MTOR: variants seen among roughly 807,000 people sequenced by gnomAD.
MTOR encodes the protein mechanistic target of rapamycin kinase.
MTOR carries 70 observed loss-of-function variants against 319.8 expected under a neutral mutation model. The ratio of observed to expected loss-of-function variants is 0.22; its 90% CI spans 0.18 to 0.27. The LOEUF (loss-of-function observed/expected upper bound fraction) is 0.27, where lower values mean the gene tolerates loss of function less well. Ranked by LOEUF, MTOR falls within the 10% of genes least tolerant of loss-of-function variation. The pLI, the probability that MTOR is intolerant of heterozygous loss-of-function variation, is 1.00. For missense variants in MTOR, 1,890 were observed against 3,274.4 expected (o/e 0.58, Z 10.32); for synonymous variants, 1,183 against 1,211.4 (o/e 0.98, Z 0.49).
At chr1:11,227,640 T>A (rs1646888521) in intron 19 of MTOR, among the ~76,000 whole-genome samples, 1 of 151,744 alleles carries the variant, frequency 6.6e-6, no homozygotes, top group African/African-American at 2.4e-5. Context: ...ATTCTGTGGT[T>A]TAAAGAAAGA....
intron 21 of MTOR, among the ~76,000 whole-genome samples, 174 bp downstream of exon 21, chr1:11,213,225 A>C (rs1310927849): frequency 1.3e-5 from 2 of 152,248 alleles, no homozygotes; most frequent in African/African-American, 2.4e-5. Flanking sequence ...TAATCAAGAG[A>C]GGATTACAGA....
intron 16 of MTOR, 74 bp downstream of exon 16, chr1:11,232,362 A>G: frequency 9.2e-7 from 1 of 1,090,614 alleles, no homozygotes; most frequent in Non-Finnish European, 1.4e-6. Flanking sequence ...GAGGACACTA[A>G]GGTGAATAAA....
chr1:11,258,444 G>GGTGA (rs778935128), intron 3 of MTOR, 41 bp downstream of exon 3: 12 of 1,382,644 alleles, frequency 8.7e-6, no homozygotes, highest in Non-Finnish European at 1.2e-5. Flanking sequence ...TGGGCACAAA[G>GGTGA]GTGAGTGTGT....
chr1:11,213,663 G>T, intron 20 of MTOR, 97 bp from the exon 21 acceptor site: 1 of 1,190,976 alleles, frequency 8.4e-7, no homozygotes, highest in East Asian at 2.4e-5. Flanking sequence ...AAACTGTAGT[G>T]AGCATGGTCT....
rs931038769 is a variant in MTOR at position 11,213,869 on chromosome 1, C to G, written c.3118-303G>C. ...GCTAAGCCCTGTCTGTCTTTCTAGA[C>G]CTGGCTCTAGCCTCACTTCTCCCAT... On this transcript the variant is annotated intron_variant, in intron 20 of 57. Coordinates refer to ENST00000361445, the MANE Select transcript of MTOR (RefSeq NM_004958.4). Among the ~76,000 whole-genome samples, 12 of 152,214 alleles carry G rather than the reference C, an allele frequency of 7.9e-5. No homozygotes were observed. In the South Asian group the frequency reaches 1.4e-3, roughly 18 times the overall value.
chr1:11,249,309 A>T (rs1403833538), intron 6 of MTOR, among the ~76,000 whole-genome samples: 2 of 151,960 alleles, frequency 1.3e-5, no homozygotes, highest in African/African-American at 4.8e-5. Flanking sequence ...AAACTTCTAA[A>T]CTTTTCTTGA....
chr1:11,189,185 T>G (rs1021513171), intron 28 of MTOR, among the ~76,000 whole-genome samples: 1 of 152,062 alleles, frequency 6.6e-6, no homozygotes, highest in African/African-American at 2.4e-5. Context: ...AAAGAAAGAC[T>G]CGCCCCATCT....
intron 5 of MTOR, among the ~76,000 whole-genome samples, chr1:11,255,611 G>C (rs985607573): frequency 6.6e-6 from 1 of 152,088 alleles, no homozygotes; most frequent in African/African-American, 2.4e-5. Flanking sequence ...AGCACTTTGA[G>C]AGGCCAAGGC....
intron 46 of MTOR, 88 bp downstream of exon 46, chr1:11,126,534 A>G: frequency 7.0e-7 from 1 of 1,425,826 alleles, no homozygotes; most frequent in Non-Finnish European, 9.6e-7. Flanking sequence ...AGTAGTGGGA[A>G]TGGCAAGCAG....
In MTOR at chr1:11,257,254, G is replaced by A. The variant is rs568936224; in HGVS notation, c.272-89C>T. On this transcript the variant is annotated intron_variant, in intron 3 of 57. Transcript: ENST00000361445. Reference sequence around the variant, plus strand: ...CTTCAACTAAAAGCTGGTGAGTGCCGGCCAGGCACGGTGGCTCAAGTCTGT... The same window carrying A: ...CTTCAACTAAAAGCTGGTGAGTGCCAGCCAGGCACGGTGGCTCAAGTCTGT... 1.6e-4 allele frequency: 183 copies of A among 1,143,900 alleles called. 2 individuals are homozygous for A. The African/African-American group carries it at 1.9e-3, about 12-fold the overall frequency. 70.9% of individuals were successfully genotyped at this position (1,143,900 alleles called of 1,614,324 possible).
chr1:11,159,384 G>A (rs960414850), intron 29 of MTOR, among the ~76,000 whole-genome samples: 1 of 152,174 alleles, frequency 6.6e-6, no homozygotes, highest in African/African-American at 2.4e-5. Flanking sequence ...ACTCACGCCT[G>A]TAATCCCAGC....
chr1:11,169,189 G>A (rs1644735702), intron 28 of MTOR, among the ~76,000 whole-genome samples: 1 of 152,150 alleles, frequency 6.6e-6, no homozygotes, highest in Non-Finnish European at 1.5e-5. Flanking sequence ...AAAGGAAATT[G>A]CCCAGAAATC....
chr1:11,224,756 C>A (rs1446475523), intron 19 of MTOR, among the ~76,000 whole-genome samples: 3 of 152,090 alleles, frequency 2.0e-5, no homozygotes, highest in African/African-American at 4.8e-5. Flanking sequence ...AAATTAAAAA[C>A]CCTTTAAGTT....
rs767131320 is a variant in MTOR, at chr1:11,232,405, T to C, written c.2514+31A>G. On this transcript the variant is annotated intron_variant, in intron 16 of 57. Transcript: ENST00000361445. ...AAAGTCCCTGGACTCATGGGGTCTG[T>C]CTTGCTCAATCAGGAAGCAGTAATA... 5.8e-6 allele frequency: 9 copies of C among 1,562,042 alleles called. No individual in the cohort carries two copies. The South Asian group carries it at 1.0e-4, about 17-fold the overall frequency.
In MTOR at chr1:11,212,506, A is replaced by G; in HGVS notation, c.3399-32T>C. 6.2e-7 allele frequency: 1 copy of G among 1,602,054 alleles called. No homozygotes were observed. The highest frequency in any genetic ancestry group is 8.5e-7 in the Non-Finnish European group (1 of 1,174,396). On this transcript the variant is annotated intron_variant, in intron 22 of 57. Transcript: ENST00000361445. This position sits in a 1 kb window ranked among gnomAD's most constrained non-coding sequence, Gnocchi z 4.1. ...CAATCACTAACATACAGTAACTGCT[A>G]ACATACAATCTCCAAGGAAGAGACG...
intron 47 of MTOR, among the ~76,000 whole-genome samples, chr1:11,123,897 C>T (rs182342873): frequency 2.0e-5 from 3 of 152,168 alleles, no homozygotes; most frequent in African/African-American, 4.8e-5. Flanking sequence ...AAGCAATTCT[C>T]GTGCCTCAGC....
intron 49 of MTOR, among the ~76,000 whole-genome samples, chr1:11,120,787 T>C (rs1396416520): frequency 6.6e-6 from 1 of 152,214 alleles, no homozygotes; most frequent in African/African-American, 2.4e-5. Flanking sequence ...GTCATTCTAC[T>C]ATATTTTTAA....
chr1:11,146,111 C>T (rs181345569), intron 32 of MTOR, among the ~76,000 whole-genome samples: 8 of 152,308 alleles, frequency 5.3e-5, no homozygotes, highest in East Asian at 1.9e-4. Flanking sequence ...GAGCTTTTCC[C>T]GTTTTTGAAT....
chr1:11,126,581 G>A, intron 46 of MTOR, 41 bp downstream of exon 46: 1 of 1,601,852 alleles, frequency 6.2e-7, no homozygotes, highest in African/African-American at 1.3e-5. Flanking sequence ...AGCCAGTGTA[G>A]GAGGGAGAAG....
Sources: allele counts gnomAD v4.1 joint callset (sites outside exome capture counted in the v4.1 genomes callset), GRCh38; gene constraint gnomAD v4.1.1; non-coding constraint Gnocchi (gnomAD v3.1); transcripts MANE v1.5; gene names NCBI Gene and HGNC (gene_info 2026-07-23, HGNC 2026-07-21).